The following BICD1 variants were observed in gnomAD, a reference collection of about 807,000 sequenced individuals.
BICD1 encodes the protein protein bicaudal D homolog 1.
In BICD1, 35 loss-of-function variants were observed where a neutral mutation model predicts 92.5. The observed-to-expected ratio is 0.38, with a 90% CI of 0.29 to 0.50. BICD1 has a LOEUF of 0.50. Ranked by LOEUF, BICD1 falls within the 20% of genes least tolerant of loss-of-function variation. BICD1 has a pLI of 0.93. For missense variants in BICD1, 950 were observed against 1,189.8 expected (o/e 0.80, Z 2.97); for synonymous variants, 429 against 465.1 (o/e 0.92, Z 1.00).
chr12:32,349,924 A>G (rs544983987), intron 8 of BICD1, among the ~76,000 whole-genome samples: 1 of 152,308 alleles, frequency 6.6e-6, no homozygotes, highest in East Asian at 1.9e-4. Context: ...ATCTAAAAGT[A>G]TATTGTTACA....
intron 8 of BICD1, among the ~76,000 whole-genome samples, chr12:32,364,521 C>T (rs1309729051): frequency 6.6e-6 from 1 of 152,212 alleles, no homozygotes; most frequent in African/African-American, 2.4e-5. Flanking sequence ...ATTTAGAAGA[C>T]AACTGAGTCA....
chr12:32,154,559 T>G (rs1328115429), intron 1 of BICD1, among the ~76,000 whole-genome samples: 1 of 152,246 alleles, frequency 6.6e-6, no homozygotes, highest in African/African-American at 2.4e-5. Context: ...ACATTCGTAC[T>G]CATTTTTATG....
Position 32,334,361 on chromosome 12 carries a change from CTG to C in BICD1, c.2101-151_2101-150del, listed in dbSNP as rs1344765682. Among the ~76,000 whole-genome samples, 3 of 152,172 alleles carry C rather than the reference CTG, an allele frequency of 2.0e-5. No individual in the cohort carries two copies. In the East Asian group the frequency reaches 5.8e-4, roughly 29 times the overall value. ...ATTTTGACATTAAAGAAAAACTTCC[CTG>C]TGTCCAAAGCGCATACCTATGTTTA... On this transcript the variant is annotated intron_variant, in intron 5 of 9. Coordinates refer to ENST00000652176, the MANE Select transcript of BICD1 (RefSeq NM_001714.4).
At chr12:32,268,631 A>G (rs1947060315) in intron 2 of BICD1, among the ~76,000 whole-genome samples, 1 of 152,172 alleles carries the variant, frequency 6.6e-6, no homozygotes, top group Non-Finnish European at 1.5e-5. Flanking sequence ...CCCCGTCTCT[A>G]CTAAAAATAC....
At chr12:32,279,484 C>T (rs1323061718) in intron 2 of BICD1, among the ~76,000 whole-genome samples, 1 of 152,044 alleles carries the variant, frequency 6.6e-6, no homozygotes. Context: ...AATACGTATT[C>T]GTTTATTTTA....
Position 32,305,823 on chromosome 12 carries a change from G to C in BICD1, c.706G>C (p.Glu236Gln), listed in dbSNP as rs139179793. ...IAEHQLEEAL[E>Q]TLKNEREQKN... The stretch of plus-strand genomic sequence containing the variant: ...TGAGCACCAACTGGAAGAAGCCCTC[G>C]AGACTTTAAAAAATGAAAGAGAGCA... The change falls in exon 4 of 10, where the codon GAG (glutamate) becomes CAG (glutamine). Residue 236 changes from glutamate to glutamine, a missense_variant. Coordinates refer to ENST00000652176, the MANE Select transcript of BICD1 (RefSeq NM_001714.4). 42 of 1,614,038 alleles carry C rather than the reference G, an allele frequency of 2.6e-5. No individual in the cohort carries two copies. The highest frequency in any genetic ancestry group is 4.0e-5 in the African/African-American group (3 of 74,920).
intron 4 of BICD1, among the ~76,000 whole-genome samples, chr12:32,317,836 T>A (rs1293108928): frequency 3.3e-5 from 5 of 152,074 alleles, no homozygotes; most frequent in Non-Finnish European, 5.9e-5. Context: ...AGGGTTTTTA[T>A]GGTTTTAGGT....
At chr12:32,367,998 G>A in intron 9 of BICD1, 2 of 407,436 alleles carry the variant, frequency 4.9e-6, no homozygotes, top group Admixed American at 7.5e-5. Flanking sequence ...CTTTGTCTGT[G>A]TAAATACTTG....
At chr12:32,284,511 C>T (rs1293128476) in intron 2 of BICD1, among the ~76,000 whole-genome samples, 1 of 152,132 alleles carries the variant, frequency 6.6e-6, no homozygotes, top group Non-Finnish European at 1.5e-5. Context: ...CTGAGATGTT[C>T]CCCGATCTGT....
chr12:32,323,120 T>C (rs1369421214), intron 4 of BICD1, among the ~76,000 whole-genome samples: 1 of 152,214 alleles, frequency 6.6e-6, no homozygotes, highest in Non-Finnish European at 1.5e-5. Context: ...TATTACATAA[T>C]TACCAGGTTT....
chr12:32,159,037 A>G (rs1365503712), intron 1 of BICD1, among the ~76,000 whole-genome samples: 3 of 152,094 alleles, frequency 2.0e-5, no homozygotes, highest in Non-Finnish European at 2.9e-5. Flanking sequence ...GGGTTCAGGC[A>G]ATACTCTTGC....
Position 32,381,225 on chromosome 12 carries a change from A to T in BICD1, c.*3598A>T, listed in dbSNP as rs185627055. 6.6e-6 allele frequency: 1 copy of T among 151,978 alleles called. No individual in the cohort carries two copies. The highest frequency in any genetic ancestry group is 1.5e-5 in the Non-Finnish European group (1 of 67,922). The allele number at this position is 151,978 out of a possible 1,614,324, so 9.4% of individuals were successfully genotyped here. A position where few individuals can be genotyped will look rare whatever the true frequency, so the allele number is the denominator to read the frequency against. ...TGGTATTATTTTTTCTTTCAGCTAT[A>T]TTCCATGGTATCTTTAAAATTGTTC... On this transcript the variant is annotated 3_prime_UTR_variant, in exon 10 of 10. Transcript: ENST00000652176.
chr12:32,142,014 C>A (rs1942937393), intron 1 of BICD1, among the ~76,000 whole-genome samples: 1 of 152,000 alleles, frequency 6.6e-6, no homozygotes, highest in African/African-American at 2.4e-5. Flanking sequence ...TTACATTTTG[C>A]TGAACAAAAC....
At chr12:32,238,530 G>A (rs1002247271) in intron 2 of BICD1, among the ~76,000 whole-genome samples, 9 of 152,208 alleles carry the variant, frequency 5.9e-5, no homozygotes, top group South Asian at 2.1e-4. Flanking sequence ...TGAGAGGATC[G>A]ACTGCAATTT....
intron 5 of BICD1, among the ~76,000 whole-genome samples, chr12:32,329,602 T>A (rs1464831274): frequency 6.6e-6 from 1 of 152,094 alleles, no homozygotes; most frequent in Non-Finnish European, 1.5e-5. Flanking sequence ...AGAGTGTGTG[T>A]GAGAGAGTAT....
chr12:32,218,399 A>AGATC, intron 2 of BICD1, among the ~76,000 whole-genome samples: 1 of 152,174 alleles, frequency 6.6e-6, no homozygotes, highest in Non-Finnish European at 1.5e-5. Context: ...CTGATTCAGT[A>AGATC]GATCGAGGTA....
intron 8 of BICD1, among the ~76,000 whole-genome samples, chr12:32,350,454 G>GT (rs1476737004): frequency 6.6e-6 from 1 of 152,182 alleles, no homozygotes; most frequent in Non-Finnish European, 1.5e-5. Flanking sequence ...TCTAGCCTGG[G>GT]TGACAGTGCC....
intron 1 of BICD1, among the ~76,000 whole-genome samples, chr12:32,211,662 A>G (rs1283983303): frequency 6.6e-6 from 1 of 151,870 alleles, no homozygotes; most frequent in African/African-American, 2.4e-5. Context: ...CCTGTGACAG[A>G]CATTTCCAGT....
chr12:32,121,743 CAA>C (rs1942157311), intron 1 of BICD1, among the ~76,000 whole-genome samples: 1 of 151,770 alleles, frequency 6.6e-6, no homozygotes, highest in Non-Finnish European at 1.5e-5. Context: ...CTCAAACAAA[CAA>C]ACAAACAAAG....
Sources: allele counts gnomAD v4.1 joint callset (sites outside exome capture counted in the v4.1 genomes callset), GRCh38; gene constraint gnomAD v4.1.1; transcripts MANE v1.5; gene names NCBI Gene and HGNC (gene_info 2026-07-23, HGNC 2026-07-21).